The following TRUB2 variants were observed in gnomAD, a reference collection of about 807,000 sequenced individuals.
TRUB2 encodes pseudouridylate synthase TRUB2, mitochondrial.
TRUB2 carries 31 observed loss-of-function variants against 31.9 expected under a neutral mutation model. The ratio of observed to expected loss-of-function variants is 0.97; its 90% CI spans 0.73 to 1.31. TRUB2 has a LOEUF of 1.31. Ranked by LOEUF, TRUB2 falls within the 50% of genes most tolerant of loss-of-function variation. The probability of loss-of-function intolerance (pLI) is 0.00; values close to 1 mark genes in which losing one functional copy is unlikely to be tolerated. For missense variants in TRUB2, 451 were observed against 439.6 expected (o/e 1.03, Z -0.23); for synonymous variants, 201 against 182.6 (o/e 1.10, Z -0.81).
chr9:128,315,732 G>A, intron 3 of TRUB2, 104 bp from the exon 4 acceptor site: 2 of 1,351,782 alleles, frequency 1.5e-6, no homozygotes, highest in Non-Finnish European at 2.1e-6. Context: ...TTCTGATGCT[G>A]CCAAAGGCAA....
chr9:128,309,788 G>T lies in TRUB2; in HGVS notation c.758C>A (p.Thr253Asn), dbSNP rs768580432. The T allele has an allele frequency of 5.0e-6, 8 of 1,614,262 alleles. No individual in the cohort carries two copies. The highest frequency in any genetic ancestry group is 1.7e-6 in the Non-Finnish European group (2 of 1,180,054). Residue 253 changes from threonine to asparagine, a missense_variant, in exon 8 of 8, where the codon ACC becomes AAC. Coordinates refer to ENST00000372890, the MANE Select transcript of TRUB2 (RefSeq NM_015679.3). Reference sequence around the variant, plus strand: ...GCCGTCGCGCGTGCGCCGCACTTGGGTGCAGACAGCAGTGGTCTTTAGTTC... The same window carrying T: ...GCCGTCGCGCGTGCGCCGCACTTGGTTGCAGACAGCAGTGGTCTTTAGTTC... ...GLELKTTAVCTQVRRTRDGFF... is the reference protein window; with the variant it reads ...GLELKTTAVCNQVRRTRDGFF...
intron 2 of TRUB2, among the ~76,000 whole-genome samples, chr9:128,317,887 A>G (rs531882003): frequency 9.3e-4 from 141 of 152,282 alleles, no homozygotes; most frequent in African/African-American, 3.3e-3. Context: ...TATACTTCTT[A>G]TTGTTACCAT....
chr9:128,310,900 C>G lies in TRUB2; in HGVS notation c.657G>C (p.Pro219=), dbSNP rs777565100. The change falls in exon 7 of 8, where the codon CCG becomes CCC. Residue 219 remains proline (P), a synonymous_variant. Transcript: ENST00000372890. The part of the protein sequence containing the change: ...TGIRCLYFAP[P]EFLLEVQCMH... ...TGGCCAACCTACCTAAGAGGAATTC[C>G]GGAGGTGCAAAGTAGAGGCATCGGA... 1 of 1,614,154 alleles carries G rather than the reference C, an allele frequency of 6.2e-7. No homozygotes were observed. Among genetic ancestry groups the G allele is most frequent in the South Asian group, 1.1e-5 (1 of 91,084 alleles).
chr9:128,311,545 G>A lies in TRUB2; in HGVS notation c.517C>T (p.Gln173Ter), dbSNP rs1048040838. 4.3e-6 allele frequency: 7 copies of A among 1,614,040 alleles called. No homozygotes were observed. The Admixed American group carries it at 6.7e-5, about 15-fold the overall frequency. ...RILAVIQGSH[Q>*]KALVMYSNLD... ...CCTACTCACATCACCAGGGCCTTCT[G>A]ATGGGAGCCTTGGATAACGGCCAGA... Residue 173 changes from glutamine to a stop codon, truncating the protein, a stop_gained, in exon 6 of 8, where the codon CAG becomes TAG. Transcript: ENST00000372890. LOFTEE classifies it high-confidence loss of function.
Position 128,309,772 on chromosome 9 carries a change from C to A in TRUB2, c.774G>T (p.Thr258=). 1.2e-6 allele frequency: 2 copies of A among 1,614,238 alleles called. No individual in the cohort carries two copies. The highest frequency in any genetic ancestry group is 1.7e-6 in the Non-Finnish European group (2 of 1,180,044). ...TTAVCTQVRR[T]RDGFFTLDSA... ...TGTCTAGCGTGAAGAAGCCGTCGCGCGTGCGCCGCACTTGGGTGCAGACAG... is the reference window on the plus strand; with the variant it reads ...TGTCTAGCGTGAAGAAGCCGTCGCGAGTGCGCCGCACTTGGGTGCAGACAG... Residue 258 remains threonine (T), a synonymous_variant, in exon 8 of 8, where the codon ACG becomes ACT. Transcript: ENST00000372890.
In TRUB2 at chr9:128,311,032, C is replaced by T. The variant is rs774622033; in HGVS notation, c.534-9G>A. 7 of 1,610,412 alleles carry T rather than the reference C, an allele frequency of 4.3e-6. No homozygotes were observed. Among genetic ancestry groups the T allele is most frequent in the Non-Finnish European group, 5.9e-6 (7 of 1,178,968 alleles). ...GGTCGAGGTTGGAGTACCTGCAGATCAGGAAGGGGGCTGCAGCTGGGTGGC... is the reference window on the plus strand; with the variant it reads ...GGTCGAGGTTGGAGTACCTGCAGATTAGGAAGGGGGCTGCAGCTGGGTGGC... On this transcript the variant is annotated splice_polypyrimidine_tract_variant and intron_variant, in intron 6 of 7. Transcript: ENST00000372890.
In TRUB2 at chr9:128,310,943, G is replaced by A. The variant is rs1831957601; in HGVS notation, c.614C>T (p.Pro205Leu). 5 of 1,614,204 alleles carry A rather than the reference G, an allele frequency of 3.1e-6. No individual in the cohort carries two copies. The highest frequency in any genetic ancestry group is 2.2e-5 in the East Asian group (1 of 44,876). ...GCATCGGATGCCAGTTATCAGCATC[G>A]GGGACTTGTTCATGGGCCGGATCAG... ...RGLIRPMNKS[P>L]MLITGIRCLY... The change falls in exon 7 of 8, where the codon CCG (proline) becomes CTG (leucine). Residue 205 changes from proline to leucine, a missense_variant. By Grantham distance (98) the Pro-to-Leu change is moderately conservative. Transcript: ENST00000372890.
chr9:128,309,670 T>A lies in TRUB2; in HGVS notation c.876A>T (p.Ala292=). The A allele has an allele frequency of 6.2e-7, 1 of 1,614,228 alleles. No individual in the cohort carries two copies. Among genetic ancestry groups the A allele is most frequent in the African/African-American group, 1.3e-5 (1 of 75,068 alleles). ...AIRAATPQVA[A]ELEKSLSPGL... is the part of the protein sequence containing the mutation. ...CCGGGCTCAAGCTCTTCTCCAGCTCTGCAGCTACCTGAGGGGTAGCAGCCC... is the reference window on the plus strand; with the variant it reads ...CCGGGCTCAAGCTCTTCTCCAGCTCAGCAGCTACCTGAGGGGTAGCAGCCC... Residue 292 remains alanine (A), a synonymous_variant, in exon 8 of 8, where the codon GCA becomes GCT. Coordinates refer to ENST00000372890, the MANE Select transcript of TRUB2 (RefSeq NM_015679.3).
Position 128,311,550 on chromosome 9 carries a change from G to A in TRUB2, c.512C>T (p.Ser171Phe), listed in dbSNP as rs145184233. The stretch of plus-strand genomic sequence containing the variant: ...TCACATCACCAGGGCCTTCTGATGG[G>A]AGCCTTGGATAACGGCCAGAATGCG... ...LDRILAVIQG[S>F]HQKALVMYSN... The change falls in exon 6 of 8, where the codon TCC becomes TTC. Residue 171 changes from serine (S) to phenylalanine (F), a missense_variant. Ser to Phe is a radical substitution (Grantham distance 155). Transcript: ENST00000372890. 26 of 1,614,140 alleles carry A rather than the reference G, an allele frequency of 1.6e-5. No individual in the cohort carries two copies. The African/African-American group carries it at 2.5e-4, about 16-fold the overall frequency.
intron 2 of TRUB2, among the ~76,000 whole-genome samples, chr9:128,320,802 T>C (rs370747593): frequency 6.6e-6 from 1 of 152,078 alleles, no homozygotes; most frequent in African/African-American, 2.4e-5. Context: ...TTACCTTTTT[T>C]TTTTTGAGAC....
chr9:128,311,997 G>A (rs1020826949), intron 5 of TRUB2, among the ~76,000 whole-genome samples: 5 of 151,474 alleles, frequency 3.3e-5, no homozygotes, highest in African/African-American at 4.9e-5. Context: ...CACCACGTCC[G>A]GCTAATTTTT....
In TRUB2 at chr9:128,309,756, T is replaced by C. The variant is rs1588519162; in HGVS notation, c.790A>G (p.Thr264Ala). Residue 264 changes from threonine (T) to alanine (A), a missense_variant, in exon 8 of 8, where the codon ACG (threonine) becomes GCG (alanine). Thr to Ala is a moderately conservative substitution (Grantham distance 58). Coordinates refer to ENST00000372890, the MANE Select transcript of TRUB2 (RefSeq NM_015679.3). ...QVRRTRDGFF[T>A]LDSALLRTQW... ...GTCCTCAGGAGGGCACTGTCTAGCG[T>C]GAAGAAGCCGTCGCGCGTGCGCCGC... 1 of 1,614,240 alleles carries C rather than the reference T, an allele frequency of 6.2e-7. No individual in the cohort carries two copies. Among genetic ancestry groups the C allele is most frequent in the South Asian group, 1.1e-5 (1 of 91,088 alleles).
At chr9:128,311,068 T>C (rs1238883357) in intron 6 of TRUB2, 45 bp from the exon 7 acceptor site, 1 of 1,601,796 alleles carries the variant, frequency 6.2e-7, no homozygotes, top group South Asian at 1.1e-5. Flanking sequence ...CCACCTACCC[T>C]TTCCCCCACA....
At chr9:128,320,637 T>C (rs577917793) in intron 2 of TRUB2, among the ~76,000 whole-genome samples, 2 of 151,842 alleles carry the variant, frequency 1.3e-5, no homozygotes, top group Admixed American at 6.6e-5. Flanking sequence ...CGGCCTTTTG[T>C]ATTCTCTTGT....
At position 128,309,408 on chromosome 9, in the gene TRUB2, C is replaced by T. The variant is rs777983432; in HGVS notation, c.*142G>A. The T allele has an allele frequency of 3.4e-6, 3 of 875,374 alleles. No individual in the cohort carries two copies. The highest frequency in any genetic ancestry group is 5.2e-6 in the Non-Finnish European group (3 of 580,160). The allele number at this position is 875,374 out of a possible 1,614,324, so 54.2% of individuals were successfully genotyped here. On this transcript the variant is annotated 3_prime_UTR_variant, in exon 8 of 8. Coordinates refer to ENST00000372890, the MANE Select transcript of TRUB2 (RefSeq NM_015679.3). ...TTTTCCTTCTCAGTTGGGTCAAGTC[C>T]ATTGACCTTTCTGTTACAGCTTGAG...
In TRUB2 at chr9:128,308,542, A is replaced by T. The variant is rs1018855074; in HGVS notation, c.*1008T>A. On this transcript the variant is annotated 3_prime_UTR_variant, in exon 8 of 8. Coordinates refer to ENST00000372890, the MANE Select transcript of TRUB2 (RefSeq NM_015679.3). ...AAGCAAGTCTCAAAAACAAAAACAAAAACAAAAAAATGATTAACATTTCAA... is the reference window on the plus strand; with the variant it reads ...AAGCAAGTCTCAAAAACAAAAACAATAACAAAAAAATGATTAACATTTCAA... 6.6e-6 allele frequency: 1 copy of T among 151,828 alleles called. No homozygotes were observed. The highest frequency in any genetic ancestry group is 2.4e-5 in the African/African-American group (1 of 41,284). The allele number at this position is 151,828 out of a possible 1,614,324, so 9.4% of individuals were successfully genotyped here.
At chr9:128,321,815 T>C in intron 1 of TRUB2, 85 bp from the exon 2 acceptor site, 1 of 1,433,620 alleles carries the variant, frequency 7.0e-7, no homozygotes, top group South Asian at 1.3e-5. Flanking sequence ...GGCCTCGTTC[T>C]GTAGCCCAGG....
chr9:128,321,778 A>C (rs1398317408), intron 1 of TRUB2, 48 bp from the exon 2 acceptor site: 1 of 1,542,696 alleles, frequency 6.5e-7, no homozygotes, highest in Non-Finnish European at 8.8e-7. Flanking sequence ...AAATATATGT[A>C]CATATAAAAT....
intron 6 of TRUB2, 128 bp downstream of exon 6, chr9:128,311,401 C>A: frequency 1.0e-6 from 1 of 959,046 alleles, no homozygotes. Context: ...AAGAAAGAAA[C>A]AGGTAGCTCC....
Sources: gnomAD v4.1 joint callset for allele counts (sites outside exome capture counted in the v4.1 genomes callset) on GRCh38, gnomAD v4.1.1 for gene constraint, MANE v1.5 for transcripts, NCBI Gene and HGNC (gene_info 2026-07-23, HGNC 2026-07-21) for gene names.